Variants in DLGAP2 observed in about 807,000 individuals in gnomAD.
DLGAP2 encodes the protein disks large-associated protein 2.
In DLGAP2, 26 loss-of-function variants were observed where a neutral mutation model predicts 100.3. That is an observed-to-expected ratio of 0.26 (90% CI 0.19 to 0.36). The LOEUF (loss-of-function observed/expected upper bound fraction) is 0.36. Ranked by LOEUF, DLGAP2 falls within the 10% of genes least tolerant of loss-of-function variation. DLGAP2 has a pLI of 1.00. For missense variants in DLGAP2, 1,858 were observed against 1,453.2 expected (o/e 1.28, Z -4.53); for synonymous variants, 886 against 630.1 (o/e 1.41, Z -6.08).
At chr8:1,478,765 G>GC (rs1191723873) in intron 3 of DLGAP2, among the ~76,000 whole-genome samples, 6 of 152,220 alleles carry the variant, frequency 3.9e-5, no homozygotes, top group Non-Finnish European at 7.3e-5. Context: ...CTCAGTATGA[G>GC]AGGTGCATGT....
At chr8:1,290,100 G>T (rs1368763925) in intron 3 of DLGAP2, among the ~76,000 whole-genome samples, 1 of 152,136 alleles carries the variant, frequency 6.6e-6, no homozygotes, top group Non-Finnish European at 1.5e-5. Context: ...ATTCCTACCT[G>T]GGCTGCAGGT....
intron 2 of DLGAP2, among the ~76,000 whole-genome samples, chr8:1,102,846 G>C (rs1016790856): frequency 1.1e-4 from 16 of 152,224 alleles, no homozygotes; most frequent in African/African-American, 3.4e-4. Flanking sequence ...GGCCTTGTGA[G>C]TCTCCGGGGT....
chr8:1,255,244 CTCA>C (rs1434339996), intron 2 of DLGAP2, among the ~76,000 whole-genome samples: 10 of 89,044 alleles, frequency 1.1e-4, no homozygotes, highest in Admixed American at 1.9e-4. Context: ...TGTGTGCCCT[CTCA>C]TCCTGCCCGG....
At chr8:822,502 T>C (rs889329490) in intron 1 of DLGAP2, among the ~76,000 whole-genome samples, 1 of 152,174 alleles carries the variant, frequency 6.6e-6, no homozygotes, top group Non-Finnish European at 1.5e-5. Context: ...GCTGTTATCA[T>C]TGGCAGTGGT....
At chr8:1,223,683 A>G (rs1440589825) in intron 2 of DLGAP2, among the ~76,000 whole-genome samples, 1 of 152,210 alleles carries the variant, frequency 6.6e-6, no homozygotes, top group Non-Finnish European at 1.5e-5. Context: ...GAAGAGCAAG[A>G]CTTGTCTGCC....
At chr8:1,516,045 G>C (rs117373674) in intron 4 of DLGAP2, among the ~76,000 whole-genome samples, 1 of 144,208 alleles carries the variant, frequency 6.9e-6, no homozygotes, top group African/African-American at 2.5e-5. Flanking sequence ...GAGTAACTGA[G>C]TGAATGAGTG....
In DLGAP2 at chr8:1,353,872, G is replaced by A. The variant is rs185245490; in HGVS notation, c.106+94989G>A. Among the ~76,000 whole-genome samples, 974 of 152,228 alleles carry A rather than the reference G, an allele frequency of 6.4e-3. 9 individuals are homozygous for A. Among genetic ancestry groups the A allele is most frequent in the South Asian group, 0.023 (113 of 4,826 alleles). ...TCTCAAATCAATATGAAAAATGCAGGTTAATATCCCTAGAGGGGAAAAAAA... is the reference window on the plus strand; with the variant it reads ...TCTCAAATCAATATGAAAAATGCAGATTAATATCCCTAGAGGGGAAAAAAA... On this transcript the variant is annotated intron_variant, in intron 3 of 14. Coordinates refer to ENST00000637795, the MANE Select transcript of DLGAP2 (RefSeq NM_001346810.2).
intron 3 of DLGAP2, among the ~76,000 whole-genome samples, chr8:1,283,621 T>C (rs1799865916): frequency 6.6e-6 from 1 of 152,238 alleles, no homozygotes; most frequent in East Asian, 1.9e-4. Context: ...GCGATGATGC[T>C]GATAGAATTT....
At chr8:948,895 G>A (rs1406276651) in intron 2 of DLGAP2, among the ~76,000 whole-genome samples, 1 of 150,782 alleles carries the variant, frequency 6.6e-6, no homozygotes, top group African/African-American at 2.4e-5. Context: ...GGTGGGAGCA[G>A]GGCCCGTGGG....
chr8:1,411,755 C>T (rs1213401629), intron 3 of DLGAP2, among the ~76,000 whole-genome samples: 8 of 152,158 alleles, frequency 5.3e-5, no homozygotes, highest in Middle Eastern at 3.2e-3. Flanking sequence ...AAATTATTTC[C>T]GTGAACTTTC....
At position 986,661 on chromosome 8, in the gene DLGAP2, G is replaced by GT. The variant is rs1800495029; in HGVS notation, c.73+78695_73+78696insT. Among the ~76,000 whole-genome samples, 8 of 100,658 alleles carry GT rather than the reference G, an allele frequency of 7.9e-5. No individual in the cohort carries two copies. The East Asian group carries it at 1.9e-3, about 24-fold the overall frequency. 66.0% of individuals were successfully genotyped at this position (100,658 alleles called of 152,430 possible). A position where few individuals can be genotyped will look rare whatever the true frequency, so the allele number is the denominator to read the frequency against. On this transcript the variant is annotated intron_variant, in intron 2 of 14. Coordinates refer to ENST00000637795, the MANE Select transcript of DLGAP2 (RefSeq NM_001346810.2). The stretch of plus-strand genomic sequence containing the variant: ...CCACTGCATGTCAAACACTGTATTT[G>GT]ATTTTTTTTTTTTTTTGAGACAGAG...
intron 2 of DLGAP2, among the ~76,000 whole-genome samples, chr8:1,012,721 C>T (rs560552864): frequency 8.7e-4 from 117 of 133,772 alleles, no homozygotes; most frequent in African/African-American, 2.5e-3. Flanking sequence ...GTGTGGACAC[C>T]GTCCGACCGG....
At chr8:1,345,584 A>G (rs554527136) in intron 3 of DLGAP2, among the ~76,000 whole-genome samples, 1 of 152,370 alleles carries the variant, frequency 6.6e-6, no homozygotes, top group African/African-American at 2.4e-5. Flanking sequence ...GTGTGGATGT[A>G]ATTCCTTGGT....
chr8:1,367,907 C>T (rs1802144575), intron 3 of DLGAP2, among the ~76,000 whole-genome samples: 1 of 152,040 alleles, frequency 6.6e-6, no homozygotes, highest in Admixed American at 6.6e-5. Flanking sequence ...AGTCAGATAC[C>T]CGAACAAGCT....
At chr8:1,675,285 G>C (rs74633613) in intron 10 of DLGAP2, among the ~76,000 whole-genome samples, 1 of 152,170 alleles carries the variant, frequency 6.6e-6, no homozygotes, top group South Asian at 2.1e-4. Flanking sequence ...GAGAGATCCC[G>C]GCAAGAGCCC....
intron 8 of DLGAP2, among the ~76,000 whole-genome samples, chr8:1,652,125 T>C (rs546838931): frequency 7.2e-5 from 11 of 152,374 alleles, no homozygotes; most frequent in African/African-American, 2.2e-4. Flanking sequence ...CTTTCCTAAA[T>C]GATTCCATAA....
chr8:1,678,280 G>A lies in DLGAP2; in HGVS notation c.2355G>A (p.Gly785=), dbSNP rs199850637. ...TCCAAGCTGACCTGGAGCTGGAGGG[G>A]TTCCCAGGCCACATCACCACGGAGG... ...AAVQADLELE[G]FPGHITTEDK... is the part of the protein sequence containing the mutation. Residue 785 remains glycine, a synonymous_variant, in exon 12 of 15, where the codon GGG becomes GGA. Transcript: ENST00000637795. 195 of 1,613,802 alleles carry A rather than the reference G, an allele frequency of 1.2e-4. No homozygotes were observed. The highest frequency in any genetic ancestry group is 3.3e-4 in the Middle Eastern group (2 of 6,060).
chr8:1,380,145 A>T (rs149619465), intron 3 of DLGAP2: 17 of 152,290 alleles, frequency 1.1e-4, no homozygotes, highest in African/African-American at 4.1e-4. Context: ...CAGTAGTTCA[A>T]TAAACACTTT....
intron 8 of DLGAP2, among the ~76,000 whole-genome samples, chr8:1,651,636 A>G (rs1156465004): frequency 2.0e-5 from 3 of 152,096 alleles, no homozygotes; most frequent in East Asian, 1.9e-4. Flanking sequence ...CACAGCTCCA[A>G]TGGCTTAAGC....
Sources: gnomAD v4.1 joint callset for allele counts (sites outside exome capture counted in the v4.1 genomes callset) on GRCh38, gnomAD v4.1.1 for gene constraint, MANE v1.5 for transcripts, NCBI Gene and HGNC (gene_info 2026-07-23, HGNC 2026-07-21) for gene names.